LRP1B: variants seen among roughly 807,000 people sequenced by gnomAD.
LRP1B encodes the protein low-density lipoprotein receptor-related protein 1B.
LRP1B carries 217 observed loss-of-function variants against 556.6 expected under a neutral mutation model. The observed-to-expected ratio is 0.39, with a 90% CI of 0.35 to 0.44. The LOEUF is 0.44. LRP1B is among the 20% of genes least tolerant of loss of function. The pLI is 1.00. For synonymous variants in LRP1B, 2,047 were observed against 1,865.8 expected, an observed-to-expected ratio of 1.10 and a Z score of -2.50; for missense variants, 5,053 against 5,620.8, an observed-to-expected ratio of 0.90 and a Z score of 3.23.
At chr2:141,912,469 G>A (rs1699929184) in intron 1 of LRP1B, among the ~76,000 whole-genome samples, 1 of 152,044 alleles carries the variant, frequency 6.6e-6, no homozygotes, top group Admixed American at 6.6e-5. Flanking sequence ...ACGGAAAAAG[G>A]CTCGGGGCAA....
At chr2:142,001,004 T>C (rs1482885531) in intron 1 of LRP1B, among the ~76,000 whole-genome samples, 1 of 152,154 alleles carries the variant, frequency 6.6e-6, no homozygotes. Context: ...ACTGTTCTCA[T>C]GGTAGTTAGT....
intron 43 of LRP1B, among the ~76,000 whole-genome samples, chr2:140,589,062 G>A (rs1682111858): frequency 6.6e-6 from 1 of 151,436 alleles, no homozygotes; most frequent in African/African-American, 2.4e-5. Flanking sequence ...AATGAATTAC[G>A]AATGTAAATG....
chr2:141,616,081 A>G (rs552446942), intron 2 of LRP1B, among the ~76,000 whole-genome samples: 2 of 152,268 alleles, frequency 1.3e-5, no homozygotes, highest in South Asian at 4.2e-4. Flanking sequence ...CAGGAGTTTG[A>G]GACCATCCTG....
intron 7 of LRP1B, among the ~76,000 whole-genome samples, chr2:141,094,202 C>A (rs1179050922): frequency 6.6e-6 from 1 of 152,094 alleles, no homozygotes; most frequent in African/African-American, 2.4e-5. Context: ...GATCAGGAGA[C>A]TTCTAAGTAC....
chr2:141,003,613 C>A (rs1197466006), intron 15 of LRP1B, among the ~76,000 whole-genome samples: 1 of 152,008 alleles, frequency 6.6e-6, no homozygotes, highest in African/African-American at 2.4e-5. Flanking sequence ...TGCCACCATC[C>A]ATGTAAGATG....
rs181191811 is a variant in LRP1B at position 142,034,907 on chromosome 2, G to A, written c.82+95741C>T. 1.8e-4 allele frequency among the ~76,000 whole-genome samples: 28 copies of A among 151,624 alleles called. 1 individual carries two copies. The highest frequency in any genetic ancestry group is 3.1e-4 in the African/African-American group (13 of 41,424). On this transcript the variant is annotated intron_variant, in intron 1 of 90. Coordinates refer to ENST00000389484, the MANE Select transcript of LRP1B (RefSeq NM_018557.3). Reference sequence around the variant, plus strand: ...CAGATTTCTATTTAAAATACAACACGTTTGTAAAGTTATAAAACTATAAAA... The same window carrying A: ...CAGATTTCTATTTAAAATACAACACATTTGTAAAGTTATAAAACTATAAAA...
chr2:141,203,364 A>AG (rs754407691), intron 6 of LRP1B, among the ~76,000 whole-genome samples: 6 of 152,190 alleles, frequency 3.9e-5, no homozygotes, highest in Admixed American at 1.3e-4. Flanking sequence ...GTGAATGGAA[A>AG]GGAAAAAAAA....
At chr2:140,306,763 A>G (rs993887135) in intron 83 of LRP1B, among the ~76,000 whole-genome samples, 3 of 151,880 alleles carry the variant, frequency 2.0e-5, no homozygotes, top group South Asian at 2.1e-4. Flanking sequence ...TGTCAATTTT[A>G]GATCTTTCCT....
Position 140,912,067 on chromosome 2 carries a change from C to T in LRP1B, c.3320-3990G>A, listed in dbSNP as rs542388019. ...AATGAATTGTATAAGCTTAAATAGC[C>T]CCCCTCTTCCTATTGATTTTTTAGG... On this transcript the variant is annotated intron_variant, in intron 21 of 90. Coordinates refer to ENST00000389484, the MANE Select transcript of LRP1B (RefSeq NM_018557.3). Among the ~76,000 whole-genome samples the T allele has an allele frequency of 6.6e-5, 10 of 151,548 alleles. No homozygotes were observed. The East Asian group carries it at 1.9e-3, about 29-fold the overall frequency.
At chr2:141,534,800 T>G (rs750963645) in intron 2 of LRP1B, among the ~76,000 whole-genome samples, 1 of 152,134 alleles carries the variant, frequency 6.6e-6, no homozygotes, top group South Asian at 2.1e-4. Context: ...ATAGGGCATT[T>G]TCCTTTTGGT....
chr2:141,053,179 C>A (rs1237096735), intron 10 of LRP1B, among the ~76,000 whole-genome samples: 1 of 151,988 alleles, frequency 6.6e-6, no homozygotes, highest in Non-Finnish European at 1.5e-5. Flanking sequence ...ATTTCACAGA[C>A]ACTCATATAG....
chr2:141,078,828 T>C (rs1318481327), intron 7 of LRP1B, among the ~76,000 whole-genome samples: 1 of 152,316 alleles, frequency 6.6e-6, no homozygotes, highest in East Asian at 1.9e-4. Flanking sequence ...ACTCAAATTG[T>C]AGTGCTAATT....
intron 41 of LRP1B, among the ~76,000 whole-genome samples, chr2:140,681,946 G>A (rs1391969452): frequency 6.6e-6 from 1 of 152,142 alleles, no homozygotes; most frequent in Non-Finnish European, 1.5e-5. Flanking sequence ...TTCATGAATG[G>A]GAGAAACAAG....
chr2:141,091,197 T>C (rs1340530995), intron 7 of LRP1B, among the ~76,000 whole-genome samples: 1 of 151,756 alleles, frequency 6.6e-6, no homozygotes, highest in Non-Finnish European at 1.5e-5. Context: ...AAGCCAGTAA[T>C]GGAGGGATTT....
intron 2 of LRP1B, among the ~76,000 whole-genome samples, chr2:141,635,511 T>A (rs1475285741): frequency 6.6e-6 from 1 of 152,200 alleles, no homozygotes; most frequent in Non-Finnish European, 1.5e-5. Context: ...AATGTTTACA[T>A]CTACAAGCAA....
chr2:141,148,602 T>C (rs1340908657), intron 7 of LRP1B, among the ~76,000 whole-genome samples: 1 of 152,120 alleles, frequency 6.6e-6, no homozygotes, highest in Non-Finnish European at 1.5e-5. Flanking sequence ...GAATCTGTCA[T>C]CTTTGGAAAG....
chr2:140,605,544 TTTTC>T (rs60888073), intron 41 of LRP1B, among the ~76,000 whole-genome samples: 30,871 of 151,666 alleles, frequency 0.2, 3,411 homozygotes, highest in Admixed American at 0.28. Flanking sequence ...TTTTCTTTCC[TTTTC>T]TTTATTTTAT....
intron 1 of LRP1B, among the ~76,000 whole-genome samples, chr2:141,931,065 G>A (rs1700489047): frequency 3.3e-5 from 5 of 151,964 alleles, no homozygotes; most frequent in Non-Finnish European, 7.4e-5. Context: ...ACACCTCTGT[G>A]TTATTACATA....
At chr2:140,297,650 A>G (rs1332797737) in intron 84 of LRP1B, among the ~76,000 whole-genome samples, 158 bp downstream of exon 84, 1 of 152,202 alleles carries the variant, frequency 6.6e-6, no homozygotes, top group African/African-American at 2.4e-5. Flanking sequence ...TTACAATAAG[A>G]GAAAGGTGAA....
Sources: gnomAD v4.1 joint callset for allele counts (sites outside exome capture counted in the v4.1 genomes callset) on GRCh38, gnomAD v4.1.1 for gene constraint, MANE v1.5 for transcripts, NCBI Gene and HGNC (gene_info 2026-07-23, HGNC 2026-07-21) for gene names.